The following PTPN12 variants were observed in gnomAD, a reference collection of about 807,000 sequenced individuals.
PTPN12 encodes the protein tyrosine-protein phosphatase non-receptor type 12.
In PTPN12, 29 loss-of-function variants were observed where a neutral mutation model predicts 97.6. The ratio of observed to expected loss-of-function variants is 0.30; its 90% CI spans 0.22 to 0.41. PTPN12 has a LOEUF of 0.41. Among genes scored for constraint, PTPN12 ranks in the 10% least tolerant of loss-of-function variants. PTPN12 has a pLI of 1.00. For missense variants in PTPN12, 819 were observed against 926.0 expected, an observed-to-expected ratio of 0.88 and a Z score of 1.50; for synonymous variants, 327 against 300.4, an observed-to-expected ratio of 1.09 and a Z score of -0.91.
chr7:77,608,750 A>T (rs970592421), intron 9 of PTPN12, among the ~76,000 whole-genome samples: 2 of 152,230 alleles, frequency 1.3e-5, no homozygotes, highest in East Asian at 3.8e-4. Context: ...CTGGGGTTAA[A>T]TATTTTTTTC....
At chr7:77,563,824 A>G (rs560623954) in intron 1 of PTPN12, 8 of 257,968 alleles carry the variant, frequency 3.1e-5, no homozygotes, top group East Asian at 1.4e-4. Context: ...AGAGTTGCAT[A>G]TTTTGCAACT....
At chr7:77,580,617 A>G (rs546817136) in intron 2 of PTPN12, among the ~76,000 whole-genome samples, 18 of 152,280 alleles carry the variant, frequency 1.2e-4, no homozygotes, top group Admixed American at 9.8e-4. Context: ...TTTAAAAATT[A>G]TATACATATT....
intron 1 of PTPN12, among the ~76,000 whole-genome samples, chr7:77,550,398 C>T (rs969263): frequency 0.72 from 109,814 of 151,942 alleles, 41,090 homozygotes; most frequent in East Asian, 0.9. Flanking sequence ...TATAAATAGA[C>T]TAAAATTAAA....
chr7:77,607,316 T>A lies in PTPN12; in HGVS notation c.762+15T>A. On this transcript the variant is annotated intron_variant, in intron 9 of 17. Coordinates refer to ENST00000248594, the MANE Select transcript of PTPN12 (RefSeq NM_002835.4). Reference sequence around the variant, plus strand: ...TAAAAGCTGGGGTAAGAATAATTTTTTGTAGCATTATGTTCAATTGATCTA... The same window carrying A: ...TAAAAGCTGGGGTAAGAATAATTTTATGTAGCATTATGTTCAATTGATCTA... The A allele has an allele frequency of 6.4e-7, 1 of 1,565,126 alleles. No homozygotes were observed. Among genetic ancestry groups the A allele is most frequent in the Non-Finnish European group, 8.8e-7 (1 of 1,136,588 alleles).
chr7:77,591,643 C>G (rs1787870068), intron 5 of PTPN12, among the ~76,000 whole-genome samples: 1 of 152,154 alleles, frequency 6.6e-6, no homozygotes, highest in Non-Finnish European at 1.5e-5. Flanking sequence ...TGCAACAACT[C>G]TGTAAGATAA....
chr7:77,620,990 A>G (rs1025913800), intron 12 of PTPN12, among the ~76,000 whole-genome samples: 2 of 151,142 alleles, frequency 1.3e-5, no homozygotes, highest in African/African-American at 4.9e-5. Flanking sequence ...GGCTGGGCAT[A>G]GTGGCTCACG....
chr7:77,554,803 C>T lies in PTPN12; in HGVS notation c.100-16275C>T, dbSNP rs555317190. On this transcript the variant is annotated intron_variant, in intron 1 of 17. Coordinates refer to ENST00000248594, the MANE Select transcript of PTPN12 (RefSeq NM_002835.4). Reference sequence around the variant, plus strand: ...CAACCAGTCCTTTTGCCCTAGCCTCCGGAGTAGCAGAGACTACAGGCATGC... The same window carrying T: ...CAACCAGTCCTTTTGCCCTAGCCTCTGGAGTAGCAGAGACTACAGGCATGC... Among the ~76,000 whole-genome samples, 35 of 152,224 alleles carry T rather than the reference C, an allele frequency of 2.3e-4. 1 individual carries two copies. The South Asian group carries it at 6.6e-3, about 29-fold the overall frequency.
chr7:77,538,276 C>T (rs1806762591), intron 1 of PTPN12, among the ~76,000 whole-genome samples: 1 of 152,146 alleles, frequency 6.6e-6, no homozygotes, highest in African/African-American at 2.4e-5. Flanking sequence ...TCCCGCTTCT[C>T]CTCTCCTGAG....
chr7:77,559,455 CAG>C (rs760430430), intron 1 of PTPN12, among the ~76,000 whole-genome samples: 2 of 152,088 alleles, frequency 1.3e-5, no homozygotes, highest in Non-Finnish European at 2.9e-5. Flanking sequence ...GATGGTAAAA[CAG>C]TGAAAGCTTT....
intron 1 of PTPN12, among the ~76,000 whole-genome samples, chr7:77,558,075 G>C (rs181900031): frequency 1.3e-5 from 2 of 151,822 alleles, no homozygotes; most frequent in African/African-American, 4.8e-5. Flanking sequence ...GCTGGGCCTG[G>C]TGGTGGGCGC....
At chr7:77,631,011 T>C (rs1562764167) in intron 13 of PTPN12, among the ~76,000 whole-genome samples, 1 of 152,176 alleles carries the variant, frequency 6.6e-6, no homozygotes, top group Non-Finnish European at 1.5e-5. Flanking sequence ...AGATAACTGA[T>C]AGAAAAAGGG....
intron 1 of PTPN12, among the ~76,000 whole-genome samples, chr7:77,551,608 CGTT>C (rs1197736448): frequency 3.3e-5 from 5 of 152,188 alleles, no homozygotes; most frequent in African/African-American, 1.2e-4. Context: ...TTCAACATCA[CGTT>C]GTCCTTTCTT....
chr7:77,569,094 A>T (rs1327379418), intron 1 of PTPN12, among the ~76,000 whole-genome samples: 1 of 152,202 alleles, frequency 6.6e-6, no homozygotes, highest in Non-Finnish European at 1.5e-5. Context: ...ATATGAAAAG[A>T]CATAATAGTA....
intron 1 of PTPN12, among the ~76,000 whole-genome samples, chr7:77,558,207 T>C (rs1807810729): frequency 1.3e-5 from 1 of 78,438 alleles, no homozygotes; most frequent in African/African-American, 6.7e-5. Context: ...CAAGACTCCA[T>C]CTCAAAAAAA....
chr7:77,543,391 T>G (rs1460499259), intron 1 of PTPN12, among the ~76,000 whole-genome samples: 4 of 151,804 alleles, frequency 2.6e-5, no homozygotes, highest in Non-Finnish European at 5.9e-5. Flanking sequence ...TTTTTCTTAT[T>G]ATTTCTTGTC....
chr7:77,562,308 G>T (rs1050281157), intron 1 of PTPN12, among the ~76,000 whole-genome samples: 1 of 152,120 alleles, frequency 6.6e-6, no homozygotes, highest in African/African-American at 2.4e-5. Context: ...ACCCACCTCG[G>T]CCCCAAAGTG....
intron 14 of PTPN12, 112 bp downstream of exon 14, chr7:77,632,537 A>G: frequency 2.6e-6 from 2 of 771,298 alleles, no homozygotes; most frequent in Non-Finnish European, 4.3e-6. Context: ...ATTCAAAAAC[A>G]AGTAAATTGA....
intron 8 of PTPN12, among the ~76,000 whole-genome samples, chr7:77,603,154 A>AAGT (rs1788242654): frequency 6.6e-6 from 1 of 152,202 alleles, no homozygotes; most frequent in Non-Finnish European, 1.5e-5. Flanking sequence ...CCATTTAATT[A>AAGT]AGTAGGATTG....
At chr7:77,620,092 T>A (rs1788881190) in intron 12 of PTPN12, among the ~76,000 whole-genome samples, 2 of 152,288 alleles carry the variant, frequency 1.3e-5, no homozygotes, top group South Asian at 4.1e-4. Context: ...TAAGGAACAT[T>A]TTTGCTGCCC....
Sources: gnomAD v4.1 joint callset for allele counts (sites outside exome capture counted in the v4.1 genomes callset) on GRCh38, gnomAD v4.1.1 for gene constraint, MANE v1.5 for transcripts, NCBI Gene and HGNC (gene_info 2026-07-23, HGNC 2026-07-21) for gene names.